TBC1D9: variants seen among roughly 807,000 people sequenced by gnomAD.
TBC1D9 encodes the protein TBC1 domain family member 9A.
TBC1D9 carries 63 observed loss-of-function variants against 132.0 expected under a neutral mutation model. The ratio of observed to expected loss-of-function variants is 0.48; its 90% CI spans 0.39 to 0.59. The LOEUF (loss-of-function observed/expected upper bound fraction) is 0.59, where lower values mean the gene tolerates loss of function less well. Among genes scored for constraint, TBC1D9 ranks in the 20% least tolerant of loss-of-function variants. TBC1D9 has a pLI of 0.00. For missense variants in TBC1D9, 1,261 were observed against 1,592.7 expected (o/e 0.79, Z 3.54); for synonymous variants, 610 against 609.9 (o/e 1.00, Z 0.00).
chr4:140,708,517 A>C (rs541052717), intron 1 of TBC1D9, among the ~76,000 whole-genome samples: 1 of 152,214 alleles, frequency 6.6e-6, no homozygotes, highest in Non-Finnish European at 1.5e-5. Context: ...TAATTAACCA[A>C]TTGAAACCCT....
At chr4:140,634,337 T>C in intron 15 of TBC1D9, 149 bp from the exon 16 acceptor site, 1 of 1,012,990 alleles carries the variant, frequency 9.9e-7, no homozygotes, top group Non-Finnish European at 1.4e-6. Context: ...CTTGGTCTCT[T>C]AGTTCTACAT....
chr4:140,707,478 G>A (rs1248425899), intron 1 of TBC1D9, among the ~76,000 whole-genome samples: 2 of 152,152 alleles, frequency 1.3e-5, no homozygotes, highest in Admixed American at 6.5e-5. Context: ...CCTCTCCAGT[G>A]CATCACTTCC....
chr4:140,740,506 C>T (rs1039943431), intron 1 of TBC1D9, among the ~76,000 whole-genome samples: 4 of 152,194 alleles, frequency 2.6e-5, no homozygotes, highest in Non-Finnish European at 2.9e-5. Flanking sequence ...CCCCTTTACT[C>T]GCTCTTTCTC....
At chr4:140,698,886 A>G (rs917400646) in intron 2 of TBC1D9, among the ~76,000 whole-genome samples, 3 of 152,232 alleles carry the variant, frequency 2.0e-5, no homozygotes, top group African/African-American at 7.2e-5. Context: ...AGGCTAGCCT[A>G]TATTCCTCTC....
intron 13 of TBC1D9, among the ~76,000 whole-genome samples, chr4:140,647,832 C>A (rs1302604094): frequency 6.6e-6 from 1 of 152,124 alleles, no homozygotes; most frequent in African/African-American, 2.4e-5. Flanking sequence ...ACCGTGGACT[C>A]CAAGTTCCTG....
At chr4:140,702,636 A>G (rs7663293) in intron 1 of TBC1D9, among the ~76,000 whole-genome samples, 134,154 of 152,258 alleles carry the variant, frequency 0.88, 59,379 homozygotes, top group African/African-American at 0.96. Flanking sequence ...CAAACTGGGA[A>G]CCTGTCATCA....
At chr4:140,725,783 G>A (rs1221648974) in intron 1 of TBC1D9, among the ~76,000 whole-genome samples, 2 of 152,064 alleles carry the variant, frequency 1.3e-5, no homozygotes, top group Non-Finnish European at 2.9e-5. Context: ...TTTGTACAAA[G>A]GATTCAGGGA....
chr4:140,728,939 C>T (rs935994734), intron 1 of TBC1D9, among the ~76,000 whole-genome samples: 6 of 152,164 alleles, frequency 3.9e-5, no homozygotes, highest in African/African-American at 1.4e-4. Context: ...GCTGGGATTA[C>T]AGGCATGAGC....
chr4:140,737,744 C>T (rs1485132304), intron 1 of TBC1D9, among the ~76,000 whole-genome samples: 4 of 152,198 alleles, frequency 2.6e-5, no homozygotes, highest in African/African-American at 9.7e-5. Flanking sequence ...AATCCTGCTG[C>T]AAGCACAATA....
At chr4:140,649,552 A>T (rs76896616) in intron 13 of TBC1D9, among the ~76,000 whole-genome samples, 7,436 of 152,270 alleles carry the variant, frequency 0.049, 645 homozygotes, top group African/African-American at 0.17. Flanking sequence ...TTAGGTATAG[A>T]AAAGCCTAAC....
In TBC1D9 at chr4:140,679,641, A is replaced by G. The variant is rs1354006701; in HGVS notation, c.563T>C (p.Phe188Ser). ...WMYLSINHLC[F>S]YSFLMGREAK... The stretch of plus-strand genomic sequence containing the variant: ...TTCCCTTCCCATAAGAAAAGAATAA[A>G]AGCAAAGGTGGTTAATGCTGAGGTA... The change falls in exon 4 of 21, where the codon TTT (phenylalanine) becomes TCT (serine). Residue 188 changes from phenylalanine (F) to serine (S), a missense_variant. Physicochemically the swap from Phe to Ser is radical, Grantham distance 155. Transcript: ENST00000442267. The G allele has an allele frequency of 6.2e-7, 1 of 1,613,586 alleles. No homozygotes were observed. The highest frequency in any genetic ancestry group is 8.5e-7 in the Non-Finnish European group (1 of 1,179,734).
chr4:140,753,794 A>G (rs1373132095), intron 1 of TBC1D9, among the ~76,000 whole-genome samples: 1 of 152,228 alleles, frequency 6.6e-6, no homozygotes, highest in Non-Finnish European at 1.5e-5. Context: ...GAAGTTGCCA[A>G]CAAATATTTG....
intron 13 of TBC1D9, chr4:140,644,656 G>T (rs1371971179): frequency 3.4e-5 from 14 of 417,282 alleles, no homozygotes; most frequent in Non-Finnish European, 6.0e-5. Context: ...CAGTTCCAGG[G>T]CCTGGGCCGC....
At chr4:140,742,161 T>G (rs1217858441) in intron 1 of TBC1D9, among the ~76,000 whole-genome samples, 1 of 152,156 alleles carries the variant, frequency 6.6e-6, no homozygotes, top group Non-Finnish European at 1.5e-5. Flanking sequence ...TTTGGATTTT[T>G]TCATCAACAA....
At chr4:140,626,383 C>T (rs1736710416) in intron 18 of TBC1D9, among the ~76,000 whole-genome samples, 1 of 152,176 alleles carries the variant, frequency 6.6e-6, no homozygotes, top group South Asian at 2.1e-4. Context: ...CTGTCCAAAG[C>T]TCCTACCCTC....
At chr4:140,649,338 A>G (rs1366136034) in intron 13 of TBC1D9, among the ~76,000 whole-genome samples, 1 of 152,240 alleles carries the variant, frequency 6.6e-6, no homozygotes, top group Non-Finnish European at 1.5e-5. Context: ...TTATGCTCAA[A>G]ATGCCTCTTT....
intron 1 of TBC1D9, among the ~76,000 whole-genome samples, chr4:140,744,553 TC>T (rs1738809104): frequency 6.6e-6 from 1 of 152,104 alleles, no homozygotes; most frequent in African/African-American, 2.4e-5. Context: ...TGCCATCTAT[TC>T]CCACTAAGGG....
intron 13 of TBC1D9, among the ~76,000 whole-genome samples, chr4:140,651,708 A>G (rs1442681455): frequency 6.6e-6 from 1 of 152,198 alleles, no homozygotes; most frequent in Non-Finnish European, 1.5e-5. Context: ...GAAATAATAC[A>G]CTGTCTGGAC....
At chr4:140,631,601 C>T (rs6838722) in intron 16 of TBC1D9, among the ~76,000 whole-genome samples, 1 of 140,642 alleles carries the variant, frequency 7.1e-6, no homozygotes. Flanking sequence ...TTTAGTTTTT[C>T]TTTTTTTTTT....
Sources: allele counts gnomAD v4.1 joint callset (sites outside exome capture counted in the v4.1 genomes callset), GRCh38; gene constraint gnomAD v4.1.1; transcripts MANE v1.5; gene names NCBI Gene and HGNC (gene_info 2026-07-23, HGNC 2026-07-21).